NOS1AP: variants seen among roughly 807,000 people sequenced by gnomAD.
The protein encoded by NOS1AP is nitric oxide synthase 1 adaptor protein.
Under a neutral mutation model 56.2 loss-of-function variants are expected in NOS1AP, and 21 were observed. That is an observed-to-expected ratio of 0.37 (90% confidence interval 0.26 to 0.54). The LOEUF is 0.54. Among genes scored for constraint, NOS1AP ranks in the 20% least tolerant of loss-of-function variants. NOS1AP has a pLI of 0.84. For missense variants in NOS1AP, 522 were observed against 657.8 expected (o/e 0.79, Z 2.26); for synonymous variants, 270 against 274.6 (o/e 0.98, Z 0.17).
At chr1:162,091,095 T>C (rs1489803747) in intron 1 of NOS1AP, among the ~76,000 whole-genome samples, 2 of 152,188 alleles carry the variant, frequency 1.3e-5, no homozygotes, top group African/African-American at 4.8e-5. Context: ...AATGTGGTAG[T>C]TCTGTTTCCA....
At chr1:162,269,223 A>G (rs373250398) in intron 2 of NOS1AP, among the ~76,000 whole-genome samples, 1 of 152,220 alleles carries the variant, frequency 6.6e-6, no homozygotes, top group Non-Finnish European at 1.5e-5. Flanking sequence ...GCCATCAGTC[A>G]CCTTGCAGCC....
At chr1:162,209,185 T>C (rs892096530) in intron 2 of NOS1AP, among the ~76,000 whole-genome samples, 3 of 152,206 alleles carry the variant, frequency 2.0e-5, no homozygotes, top group African/African-American at 7.2e-5. Flanking sequence ...GCACAAGATG[T>C]TTCCCAATTT....
chr1:162,359,981 A>G (rs762313807), intron 8 of NOS1AP, among the ~76,000 whole-genome samples: 2 of 151,884 alleles, frequency 1.3e-5, no homozygotes, highest in Non-Finnish European at 2.9e-5. Context: ...TGTACCCTTG[A>G]TGTCACTTGT....
At chr1:162,156,457 G>C (rs1335989559) in intron 2 of NOS1AP, among the ~76,000 whole-genome samples, 1 of 152,120 alleles carries the variant, frequency 6.6e-6, no homozygotes, top group Non-Finnish European at 1.5e-5. Flanking sequence ...AGCTCAGATA[G>C]AAAGCACAGA....
At chr1:162,347,149 A>G (rs370005666) in intron 6 of NOS1AP, among the ~76,000 whole-genome samples, 8 of 152,376 alleles carry the variant, frequency 5.3e-5, no homozygotes, top group African/African-American at 1.9e-4. Context: ...CAATCTGCTC[A>G]TTTCTGAATT....
At chr1:162,161,213 C>A (rs2102109119) in intron 2 of NOS1AP, among the ~76,000 whole-genome samples, 1 of 152,326 alleles carries the variant, frequency 6.6e-6, no homozygotes, top group Non-Finnish European at 1.5e-5. Context: ...GTCACACCTG[C>A]AAAGTGCCCT....
rs201239710 is a variant in NOS1AP, at chr1:162,081,755, G to GAT, written c.105+11492_105+11493dup. Among the ~76,000 whole-genome samples the GAT allele has an allele frequency of 5.3e-4, 38 of 71,594 alleles. 2 individuals carry two copies. Among genetic ancestry groups the GAT allele is most frequent in the African/African-American group, 1.6e-3 (32 of 19,796 alleles). The allele number at this position is 71,594 out of a possible 152,430, so 47.0% of individuals were successfully genotyped here. On this transcript the variant is annotated intron_variant, in intron 1 of 9. Transcript: ENST00000361897. ...CTATATATCTATATCTATATCTATA[G>GAT]ATATATATATATATATATATTTTTT...
chr1:162,184,854 T>C (rs1166028601), intron 2 of NOS1AP, among the ~76,000 whole-genome samples: 1 of 152,216 alleles, frequency 6.6e-6, no homozygotes, highest in Non-Finnish European at 1.5e-5. Flanking sequence ...ATAATCAATA[T>C]AGTCTGTTTA....
chr1:162,122,406 G>A (rs1648275418), intron 1 of NOS1AP, among the ~76,000 whole-genome samples: 1 of 152,150 alleles, frequency 6.6e-6, no homozygotes, highest in African/African-American at 2.4e-5. Context: ...GTCACATTGT[G>A]CTACGCATGT....
intron 2 of NOS1AP, among the ~76,000 whole-genome samples, chr1:162,211,313 T>C (rs1041212057): frequency 2.6e-5 from 4 of 152,228 alleles, no homozygotes; most frequent in African/African-American, 7.2e-5. Context: ...CTCTTTGGGT[T>C]GCAGATGATT....
intron 8 of NOS1AP, 112 bp downstream of exon 8, chr1:162,357,248 G>A (rs1368488994): frequency 3.3e-6 from 5 of 1,513,532 alleles, no homozygotes; most frequent in Middle Eastern, 2.3e-4. Flanking sequence ...ATAAGGAATC[G>A]CTCATGCTAT....
chr1:162,362,280 G>A (rs549920506), intron 8 of NOS1AP, among the ~76,000 whole-genome samples: 48 of 152,162 alleles, frequency 3.2e-4, no homozygotes, highest in Admixed American at 2.6e-3. Flanking sequence ...GGGAAACCCC[G>A]TCTCTACTAA....
chr1:162,329,316 C>G (rs1656689084), intron 4 of NOS1AP, among the ~76,000 whole-genome samples: 1 of 151,188 alleles, frequency 6.6e-6, no homozygotes, highest in Admixed American at 6.6e-5. Context: ...TCACTTGAAC[C>G]TGGGAGGCAG....
At chr1:162,323,609 A>G (rs944207552) in intron 4 of NOS1AP, among the ~76,000 whole-genome samples, 1 of 152,218 alleles carries the variant, frequency 6.6e-6, no homozygotes, top group Non-Finnish European at 1.5e-5. Flanking sequence ...TAAACACACA[A>G]TAGATTAGCA....
At chr1:162,139,369 T>C (rs1390750232) in intron 1 of NOS1AP, among the ~76,000 whole-genome samples, 1 of 152,176 alleles carries the variant, frequency 6.6e-6, no homozygotes, top group African/African-American at 2.4e-5. Context: ...TGCTGTCCAT[T>C]CCAGATACAA....
chr1:162,131,394 G>T (rs1243388231), intron 1 of NOS1AP, among the ~76,000 whole-genome samples: 2 of 151,314 alleles, frequency 1.3e-5, no homozygotes, highest in African/African-American at 4.9e-5. Context: ...CTGCCCTATT[G>T]TGGCTTGTCA....
chr1:162,107,810 T>G (rs1647570642), intron 1 of NOS1AP, among the ~76,000 whole-genome samples: 1 of 152,186 alleles, frequency 6.6e-6, no homozygotes, highest in South Asian at 2.1e-4. Context: ...GCGTGTATCA[T>G]AAAGGTACCC....
intron 2 of NOS1AP, among the ~76,000 whole-genome samples, chr1:162,236,649 C>G (rs113536860): frequency 1.3e-5 from 2 of 149,660 alleles, no homozygotes; most frequent in African/African-American, 4.9e-5. Flanking sequence ...TCCAGCCCCC[C>G]TTTCCCTCTT....
At chr1:162,332,075 T>G (rs347304) in intron 4 of NOS1AP, among the ~76,000 whole-genome samples, 151,884 of 152,340 alleles carry the variant, frequency 1, 75,717 homozygotes, top group Middle Eastern at 1. Flanking sequence ...CTGCATCTAT[T>G]ACCTTGTTGC....
Sources: allele counts gnomAD v4.1 joint callset (sites outside exome capture counted in the v4.1 genomes callset), GRCh38; gene constraint gnomAD v4.1.1; transcripts MANE v1.5; gene names NCBI Gene and HGNC (gene_info 2026-07-23, HGNC 2026-07-21).